Variants in TBC1D19 observed in about 807,000 individuals in gnomAD.
TBC1D19 encodes TBC1 domain family, member 19.
A neutral mutation model predicts 89.0 loss-of-function variants in TBC1D19; 60 were observed. The ratio of observed to expected loss-of-function variants is 0.67; its 90% CI spans 0.55 to 0.84. The LOEUF is 0.84. Ranked by LOEUF, TBC1D19 falls within the 40% of genes least tolerant of loss-of-function variation. The probability of loss-of-function intolerance (pLI) is 0.00; values close to 1 mark genes in which losing one functional copy is unlikely to be tolerated. For missense variants in TBC1D19, 500 were observed against 610.8 expected (o/e 0.82, Z 1.91); for synonymous variants, 189 against 199.7 (o/e 0.95, Z 0.45).
chr4:26,620,724 G>A (rs756832028), intron 4 of TBC1D19, 36 bp downstream of exon 4: 1 of 1,582,550 alleles, frequency 6.3e-7, no homozygotes, highest in Non-Finnish European at 8.7e-7. Context: ...ATTTTTTCAT[G>A]CCAAGTTATG....
the TBC1D19 span, among the ~76,000 whole-genome samples, chr4:26,828,933 G>T: frequency 6.6e-6 from 1 of 152,316 alleles, no homozygotes; most frequent in African/African-American, 2.4e-5. Context: ...AGAATGGAAA[G>T]AACTCAGGAA....
At position 26,637,262 on chromosome 4, in the gene TBC1D19, C is replaced by G; in HGVS notation, c.346C>G (p.Leu116Val). The change falls in exon 5 of 21, where the codon CTG becomes GTG. Residue 116 changes from leucine (L) to valine (V), a missense_variant. Around this residue, in one of 2 missense-constraint regions of TBC1D19, gnomAD observed 280 missense variants for 291.7 expected, o/e 0.96. Transcript: ENST00000264866. ...GAGTTTAAATAGTATGTGCACTGAACTGAGTATCCCACTGGCACGAAAGGT... is the reference window on the plus strand; with the variant it reads ...GAGTTTAAATAGTATGTGCACTGAAGTGAGTATCCCACTGGCACGAAAGGT... ...LKSLNSMCTE[L>V]SIPLARKRPV... The G allele has an allele frequency of 6.2e-7, 1 of 1,610,532 alleles. No individual in the cohort carries two copies. Among genetic ancestry groups the G allele is most frequent in the Non-Finnish European group, 8.5e-7 (1 of 1,178,232 alleles).
At chr4:26,813,577 T>A in the TBC1D19 span, among the ~76,000 whole-genome samples, 1 of 152,228 alleles carries the variant, frequency 6.6e-6, no homozygotes, top group Non-Finnish European at 1.5e-5. Context: ...CTTCTTGGAA[T>A]ACAAAATATT....
chr4:26,684,493 G>T (rs1485675569), intron 12 of TBC1D19, among the ~76,000 whole-genome samples: 2 of 152,112 alleles, frequency 1.3e-5, no homozygotes, highest in African/African-American at 4.8e-5. Context: ...TGCGTGCTTG[G>T]TTCATCTGGC....
At chr4:26,623,407 T>C (rs978654231) in intron 4 of TBC1D19, among the ~76,000 whole-genome samples, 6 of 152,212 alleles carry the variant, frequency 3.9e-5, no homozygotes, top group Admixed American at 3.9e-4. Flanking sequence ...TTTAGGTTGT[T>C]CTAAAACTTT....
At chr4:26,613,324 A>G (rs1168252945) in intron 2 of TBC1D19, 83 bp downstream of exon 2, 1 of 818,718 alleles carries the variant, frequency 1.2e-6, no homozygotes, top group Middle Eastern at 3.7e-4. Flanking sequence ...TCAAGCTTGT[A>G]CAACCACCTT....
At chr4:26,666,470 T>A in intron 9 of TBC1D19, 65 bp downstream of exon 9, 1 of 1,356,870 alleles carries the variant, frequency 7.4e-7, no homozygotes. Flanking sequence ...TTTATATTGC[T>A]ATTTCCAAGT....
chr4:26,623,409 TA>T (rs1215038280), intron 4 of TBC1D19, among the ~76,000 whole-genome samples: 1 of 152,222 alleles, frequency 6.6e-6, no homozygotes, highest in Non-Finnish European at 1.5e-5. Context: ...TAGGTTGTTC[TA>T]AAACTTTTTC....
intron 5 of TBC1D19, among the ~76,000 whole-genome samples, chr4:26,637,521 G>A (rs565158905): frequency 2.0e-5 from 3 of 152,098 alleles, no homozygotes; most frequent in African/African-American, 4.8e-5. Context: ...ACAGGCACCC[G>A]CCACCAGGTC....
intron 7 of TBC1D19, among the ~76,000 whole-genome samples, chr4:26,643,997 A>G (rs145556924): frequency 0.015 from 2,353 of 152,320 alleles, 61 homozygotes; most frequent in African/African-American, 0.054. Context: ...CCAGAGGTAC[A>G]AAGAGGAGCT....
upstream of TBC1D19, among the ~76,000 whole-genome samples, chr4:26,583,180 TG>T (rs1172192598): frequency 6.6e-6 from 1 of 152,168 alleles, no homozygotes; most frequent in Non-Finnish European, 1.5e-5. Flanking sequence ...GTTATTCTAA[TG>T]TATTTTTCAC....
intron 11 of TBC1D19, among the ~76,000 whole-genome samples, chr4:26,680,401 C>T (rs1262474929): frequency 6.6e-6 from 1 of 152,206 alleles, no homozygotes; most frequent in African/African-American, 2.4e-5. Flanking sequence ...CCTCTCTACT[C>T]ACTCCTTCTC....
intron 15 of TBC1D19, among the ~76,000 whole-genome samples, chr4:26,724,876 A>G (rs1474903077): frequency 6.6e-6 from 1 of 152,152 alleles, no homozygotes; most frequent in Non-Finnish European, 1.5e-5. Flanking sequence ...CAGGCTTTTC[A>G]ATCTGTATAC....
At chr4:26,676,947 A>C (rs1339224415) in intron 11 of TBC1D19, among the ~76,000 whole-genome samples, 1 of 152,112 alleles carries the variant, frequency 6.6e-6, no homozygotes, top group Non-Finnish European at 1.5e-5. Context: ...CTCAGTTACC[A>C]GTTACCTCAA....
At chr4:26,629,770 G>A (rs1742684049) in intron 4 of TBC1D19, among the ~76,000 whole-genome samples, 2 of 151,774 alleles carry the variant, frequency 1.3e-5, no homozygotes, top group East Asian at 1.9e-4. Context: ...ATAATGAATA[G>A]GAAAAGGCAT....
At chr4:26,798,757 A>G in the TBC1D19 span, among the ~76,000 whole-genome samples, 1 of 152,046 alleles carries the variant, frequency 6.6e-6, no homozygotes, top group Non-Finnish European at 1.5e-5. Context: ...CCATTATCCT[A>G]AGTGAACTAA....
chr4:26,716,566 T>C (rs1168039121), intron 13 of TBC1D19, among the ~76,000 whole-genome samples: 1 of 152,176 alleles, frequency 6.6e-6, no homozygotes, highest in Non-Finnish European at 1.5e-5. Context: ...TCAACAACAG[T>C]ACAGGTTAAA....
intron 13 of TBC1D19, among the ~76,000 whole-genome samples, chr4:26,691,109 G>A (rs905004068): frequency 6.6e-6 from 1 of 152,136 alleles, no homozygotes; most frequent in African/African-American, 2.4e-5. Context: ...AGGAAGTAAC[G>A]GTCACTGTGG....
At position 26,710,422 on chromosome 4, in the gene TBC1D19, G is replaced by A. The variant is rs373166520; in HGVS notation, c.955-7511G>A. 2.4e-4 allele frequency among the ~76,000 whole-genome samples: 36 copies of A among 151,342 alleles called. 1 individual carries two copies. The highest frequency in any genetic ancestry group is 2.1e-3 in the East Asian group (11 of 5,126). On this transcript the variant is annotated intron_variant, in intron 13 of 20. Coordinates refer to ENST00000264866, the MANE Select transcript of TBC1D19 (RefSeq NM_018317.4). ...TGTATGTGCCACATTTTCTTAATCC[G>A]GTCTATCATTGTTGGACATTTGGGT...
Sources: allele counts gnomAD v4.1 joint callset (sites outside exome capture counted in the v4.1 genomes callset), GRCh38; gene constraint gnomAD v4.1.1; regional missense constraint gnomAD v4.1.1; transcripts MANE v1.5; gene names NCBI Gene and HGNC (gene_info 2026-07-23, HGNC 2026-07-21).